Variants in IKZF2 observed in about 807,000 individuals in gnomAD.
IKZF2 encodes IKAROS family zinc finger 2, also known as zinc finger protein Helios.
In IKZF2, 15 loss-of-function variants were observed where a neutral mutation model predicts 49.2. The observed-to-expected ratio is 0.30, with a 90% CI of 0.20 to 0.47. The LOEUF (loss-of-function observed/expected upper bound fraction) is 0.47. Among genes scored for constraint, IKZF2 ranks in the 20% least tolerant of loss-of-function variants. The pLI, the probability that IKZF2 is intolerant of heterozygous loss-of-function variation, is 1.00. For synonymous variants in IKZF2, 227 were observed against 221.4 expected (o/e 1.03, Z -0.23); for missense variants, 567 against 664.6 (o/e 0.85, Z 1.61).
rs769927583 is a variant in IKZF2, at chr2:213,007,554, C to T, written c.1387G>A (p.Gly463Arg). 1 of 1,613,696 alleles carries T rather than the reference C, an allele frequency of 6.2e-7. No homozygotes were observed. Among genetic ancestry groups the T allele is most frequent in the Non-Finnish European group, 8.5e-7 (1 of 1,179,724 alleles). Residue 463 changes from glycine (G) to arginine (R), a missense_variant, in exon 9 of 9, where the codon GGA becomes AGA. Gly to Arg is a moderately radical substitution (Grantham distance 125). Around this residue, in one of 5 missense-constraint regions of IKZF2, gnomAD observed 310 missense variants for 326.9 expected, o/e 0.95. Coordinates refer to ENST00000434687, the MANE Select transcript of IKZF2 (RefSeq NM_001387220.1). Reference sequence around the variant, plus strand: ...AAGGCCCTAATCTGTTCTCCTTCTCCATTGAAGACCTTGTAGATGTCCTTC... The same window carrying T: ...AAGGCCCTAATCTGTTCTCCTTCTCTATTGAAGACCTTGTAGATGTCCTTC... ...SLKDIYKVFN[G>R]EGEQIRAFKC...
At chr2:213,107,836 T>C (rs910677579) in intron 4 of IKZF2, among the ~76,000 whole-genome samples, 1 of 152,186 alleles carries the variant, frequency 6.6e-6, no homozygotes, top group African/African-American at 2.4e-5. Context: ...ACACAATGCA[T>C]GCTGAATTCG....
intron 6 of IKZF2, among the ~76,000 whole-genome samples, chr2:213,037,024 C>T (rs1326099423): frequency 2.0e-5 from 3 of 152,168 alleles, no homozygotes; most frequent in African/African-American, 7.2e-5. Flanking sequence ...TGCAGCCTCT[C>T]CACTTCTGTT....
In IKZF2 at chr2:213,147,681, A is replaced by C. The variant is rs6738070; in HGVS notation, c.139+27T>G. ...GTTGCTGGAGAGACACACACACACA[A>C]AAAAAAATCATAAAATGAAGACTTA... On this transcript the variant is annotated intron_variant, in intron 4 of 8. Transcript: ENST00000434687. 0.91 allele frequency: 1,387,709 copies of C among 1,532,978 alleles called. 624,138 individuals are homozygous for C. Among genetic ancestry groups the C allele is most frequent in the Admixed American group, 0.91 (53,947 of 59,028 alleles). 95.0% of individuals were successfully genotyped at this position (1,532,978 alleles called of 1,614,324 possible).
chr2:213,031,400 T>C (rs1698417328), intron 6 of IKZF2, among the ~76,000 whole-genome samples: 1 of 152,174 alleles, frequency 6.6e-6, no homozygotes, highest in South Asian at 2.1e-4. Context: ...GGAAAAATTG[T>C]ATATAAAAAA....
At chr2:213,018,049 A>G (rs1212165428) in intron 7 of IKZF2, among the ~76,000 whole-genome samples, 1 of 152,174 alleles carries the variant, frequency 6.6e-6, no homozygotes, top group African/African-American at 2.4e-5. Context: ...AATTCAAAGC[A>G]TAAACCTAAC....
At chr2:213,065,915 A>G (rs867541624) in intron 4 of IKZF2, among the ~76,000 whole-genome samples, 3 of 152,224 alleles carry the variant, frequency 2.0e-5, no homozygotes, top group South Asian at 2.1e-4. Flanking sequence ...ACAGTGGAAT[A>G]CAGGTGTAGC....
At chr2:213,134,129 G>A (rs925182303) in intron 4 of IKZF2, among the ~76,000 whole-genome samples, 1 of 152,308 alleles carries the variant, frequency 6.6e-6, no homozygotes, top group East Asian at 1.9e-4. Flanking sequence ...TCTCAAGAAA[G>A]TCTTCTGGAA....
At chr2:213,084,062 A>G (rs997932754) in intron 4 of IKZF2, among the ~76,000 whole-genome samples, 3 of 152,136 alleles carry the variant, frequency 2.0e-5, no homozygotes, top group Non-Finnish European at 4.4e-5. Context: ...ATTTGGAGTA[A>G]GTCAGGCCTC....
intron 4 of IKZF2, among the ~76,000 whole-genome samples, chr2:213,138,211 A>G (rs997297114): frequency 9.2e-5 from 14 of 152,100 alleles, no homozygotes; most frequent in African/African-American, 3.1e-4. Flanking sequence ...TGCTATATCA[A>G]GATATTAATA....
intron 4 of IKZF2, among the ~76,000 whole-genome samples, chr2:213,082,189 T>C (rs1202303098): frequency 6.6e-6 from 1 of 152,156 alleles, no homozygotes; most frequent in African/African-American, 2.4e-5. Context: ...AAAACAGTTT[T>C]TCATGAAATC....
chr2:213,109,287 T>G (rs2059627752), intron 4 of IKZF2, among the ~76,000 whole-genome samples: 1 of 151,778 alleles, frequency 6.6e-6, no homozygotes, highest in South Asian at 2.1e-4. Context: ...TCCCCTTTAT[T>G]TTACTCAAAT....
intron 4 of IKZF2, among the ~76,000 whole-genome samples, chr2:213,085,832 A>G (rs1704517075): frequency 6.6e-6 from 1 of 152,200 alleles, no homozygotes; most frequent in Admixed American, 6.5e-5. Context: ...TTTCTCGATT[A>G]TCCTTAAGGA....
chr2:213,039,617 C>A (rs1388873725), intron 6 of IKZF2, among the ~76,000 whole-genome samples: 1 of 152,046 alleles, frequency 6.6e-6, no homozygotes, highest in Non-Finnish European at 1.5e-5. Context: ...GGCATATCAA[C>A]CCTAAGTCAA....
chr2:213,140,863 G>A (rs1376450787), intron 4 of IKZF2, among the ~76,000 whole-genome samples: 1 of 151,880 alleles, frequency 6.6e-6, no homozygotes, highest in Non-Finnish European at 1.5e-5. Flanking sequence ...TTCAAAATAT[G>A]GTATTAAACT....
At position 213,072,296 on chromosome 2, in the gene IKZF2, GT is replaced by G. The variant is rs377550534; in HGVS notation, c.140-15198del. Among the ~76,000 whole-genome samples, 1,401 of 144,554 alleles carry G rather than the reference GT, an allele frequency of 9.7e-3. 25 individuals are homozygous for G. The highest frequency in any genetic ancestry group is 0.032 in the African/African-American group (1,296 of 39,902). 94.8% of individuals were successfully genotyped at this position (144,554 alleles called of 152,430 possible). On this transcript the variant is annotated intron_variant, in intron 4 of 8. Coordinates refer to ENST00000434687, the MANE Select transcript of IKZF2 (RefSeq NM_001387220.1). ...ATTAGTTTTCAGATTCCTTTCCTTT[GT>G]TTTTTTTTTTTTCTGTTTCGACTGA...
At chr2:213,148,090 A>C (rs1395743969) in intron 3 of IKZF2, among the ~76,000 whole-genome samples, 1 of 152,242 alleles carries the variant, frequency 6.6e-6, no homozygotes, top group African/African-American at 2.4e-5. Context: ...GAAAGAAATA[A>C]CTTTTCTTTT....
At chr2:213,062,214 A>T (rs1403880037) in intron 4 of IKZF2, among the ~76,000 whole-genome samples, 1 of 151,698 alleles carries the variant, frequency 6.6e-6, no homozygotes, top group African/African-American at 2.4e-5. Flanking sequence ...AGTAATGAGA[A>T]CTGAAAATAT....
intron 4 of IKZF2, among the ~76,000 whole-genome samples, chr2:213,091,492 C>A (rs1229123687): frequency 6.6e-6 from 1 of 152,130 alleles, no homozygotes; most frequent in East Asian, 1.9e-4. Flanking sequence ...GCTATTTTCA[C>A]AAGATTGAAA....
Position 213,004,649 on chromosome 2 carries a change from T to C in IKZF2, c.*2711A>G, listed in dbSNP as rs1695172532. The C allele has an allele frequency of 6.6e-6, 1 of 151,970 alleles. No individual in the cohort carries two copies. The highest frequency in any genetic ancestry group is 1.5e-5 in the Non-Finnish European group (1 of 67,930). The allele number at this position is 151,970 out of a possible 1,614,324, so 9.4% of individuals were successfully genotyped here. A position where few individuals can be genotyped will look rare whatever the true frequency, so the allele number is the denominator to read the frequency against. ...ATGCTACAACCTTGCGTATTTCCTT[T>C]TGAAGAAAAGGCATGCACATATAAC... is the stretch of plus-strand genomic sequence containing the variant. On this transcript the variant is annotated 3_prime_UTR_variant, in exon 9 of 9. Transcript: ENST00000434687.
Sources: gnomAD v4.1 joint callset for allele counts (sites outside exome capture counted in the v4.1 genomes callset) on GRCh38, gnomAD v4.1.1 for gene constraint, gnomAD v4.1.1 regional missense constraint, MANE v1.5 for transcripts, NCBI Gene and HGNC (gene_info 2026-07-23, HGNC 2026-07-21) for gene names.